The following PITPNC1 variants were observed in gnomAD, a reference collection of about 807,000 sequenced individuals.
The protein encoded by PITPNC1 is phosphatidylinositol transfer protein cytoplasmic 1.
In PITPNC1, 18 loss-of-function variants were observed where a neutral mutation model predicts 44.7. The observed-to-expected ratio is 0.40, with a 90% CI of 0.28 to 0.60. The LOEUF (loss-of-function observed/expected upper bound fraction) is 0.60, where lower values mean the gene tolerates loss of function less well. PITPNC1 is among the 20% of genes least tolerant of loss of function. The pLI, the probability that PITPNC1 is intolerant of heterozygous loss-of-function variation, is 0.39. For synonymous variants in PITPNC1, 141 were observed against 149.6 expected, an observed-to-expected ratio of 0.94 and a Z score of 0.42; for missense variants, 290 against 418.4, an observed-to-expected ratio of 0.69 and a Z score of 2.68.
At chr17:67,485,666 C>T (rs543354347) in intron 1 of PITPNC1, among the ~76,000 whole-genome samples, 40 of 152,082 alleles carry the variant, frequency 2.6e-4, no homozygotes, top group Non-Finnish European at 4.4e-4. Flanking sequence ...GATCTTTCTA[C>T]GGAAGAACAA....
chr17:67,423,016 G>C (rs893269168), intron 1 of PITPNC1, among the ~76,000 whole-genome samples: 1 of 151,734 alleles, frequency 6.6e-6, no homozygotes, highest in Non-Finnish European at 1.5e-5. Flanking sequence ...ACATGAGGAA[G>C]AGTTGGGTAA....
chr17:67,490,691 TAATG>T (rs2039852936), intron 1 of PITPNC1, among the ~76,000 whole-genome samples: 1 of 152,146 alleles, frequency 6.6e-6, no homozygotes, highest in African/African-American at 2.4e-5. Flanking sequence ...AAAGGATCCG[TAATG>T]AATAAGAAAG....
At position 67,676,707 on chromosome 17, in the gene PITPNC1, C is replaced by T. The variant is rs764004163; in HGVS notation, c.682+1165C>T. 5.3e-5 allele frequency among the ~76,000 whole-genome samples: 8 copies of T among 151,864 alleles called. No individual in the cohort carries two copies. Among genetic ancestry groups the T allele is most frequent in the Non-Finnish European group, 1.0e-4 (7 of 67,994 alleles). ...CCTCCCTTTTCTGAGCAGAAGGTAC[C>T]AAAGTAAAAGGACACGTTAGACGGA... On this transcript the variant is annotated intron_variant, in intron 8 of 8. Coordinates refer to ENST00000581322, the MANE Select transcript of PITPNC1 (RefSeq NM_012417.4). The surrounding 1 kb of genome is among the most constrained non-coding windows in gnomAD (Gnocchi z 4.0).
chr17:67,412,648 C>T (rs1265784019), intron 1 of PITPNC1, among the ~76,000 whole-genome samples: 1 of 152,120 alleles, frequency 6.6e-6, no homozygotes, highest in Non-Finnish European at 1.5e-5. Context: ...CTCACTGCAA[C>T]CTCCACCTCC....
At chr17:67,546,552 T>A (rs2144154053) in intron 2 of PITPNC1, among the ~76,000 whole-genome samples, 1 of 152,294 alleles carries the variant, frequency 6.6e-6, no homozygotes, top group South Asian at 2.1e-4. Flanking sequence ...GGGTTCTGCC[T>A]CACTGCTGAT....
intron 1 of PITPNC1, among the ~76,000 whole-genome samples, chr17:67,444,198 C>T (rs2039059994): frequency 6.6e-6 from 1 of 152,008 alleles, no homozygotes; most frequent in Non-Finnish European, 1.5e-5. Context: ...ACTGTCACTT[C>T]ACATATAATT....
At chr17:67,659,482 C>G (rs1268266180) in intron 6 of PITPNC1, among the ~76,000 whole-genome samples, 1 of 152,172 alleles carries the variant, frequency 6.6e-6, no homozygotes, top group Non-Finnish European at 1.5e-5. Context: ...GCCTAGTCTT[C>G]TTACATTGTG....
chr17:67,493,328 CTG>C (rs1252288372), intron 1 of PITPNC1, among the ~76,000 whole-genome samples: 1 of 152,170 alleles, frequency 6.6e-6, no homozygotes, highest in African/African-American at 2.4e-5. Flanking sequence ...GGGCTACTGA[CTG>C]TGAATTTTAA....
intron 1 of PITPNC1, among the ~76,000 whole-genome samples, chr17:67,407,562 G>T (rs1015967239): frequency 3.9e-5 from 6 of 152,064 alleles, no homozygotes; most frequent in Non-Finnish European, 5.9e-5. Flanking sequence ...CAGCACTTTG[G>T]GGGGCTGAGG....
chr17:67,482,541 G>A (rs1440822291), intron 1 of PITPNC1, among the ~76,000 whole-genome samples: 1 of 152,172 alleles, frequency 6.6e-6, no homozygotes, highest in Non-Finnish European at 1.5e-5. Context: ...GCCTCGCAAA[G>A]TCAAGTGGTA....
At position 67,472,866 on chromosome 17, in the gene PITPNC1, C is replaced by T. The variant is rs190028467; in HGVS notation, c.49-59936C>T. 1.2e-3 allele frequency among the ~76,000 whole-genome samples: 176 copies of T among 151,066 alleles called. 1 individual carries two copies. Among genetic ancestry groups the T allele is most frequent in the Non-Finnish European group, 1.9e-3 (128 of 67,906 alleles). ...TTGTGGACATATGCTAAAACCAGCA[C>T]CATAATTAATGTGGTATTTTTTTTT... On this transcript the variant is annotated intron_variant, in intron 1 of 8. Transcript: ENST00000581322.
chr17:67,425,203 GCACACACACACACACACA>G (rs60705271), intron 1 of PITPNC1, among the ~76,000 whole-genome samples: 6,016 of 98,742 alleles, frequency 0.061, 549 homozygotes, highest in Middle Eastern at 0.11. Context: ...GCACGCACAC[GCACACACACACACACACA>G]CACACACACA....
chr17:67,497,055 G>C (rs989479789), intron 1 of PITPNC1, among the ~76,000 whole-genome samples: 2 of 152,068 alleles, frequency 1.3e-5, no homozygotes, highest in Non-Finnish European at 2.9e-5. Flanking sequence ...GAACCCAGGA[G>C]TTCAAGGCTG....
At chr17:67,430,437 G>A (rs1444636592) in intron 1 of PITPNC1, among the ~76,000 whole-genome samples, 1 of 151,068 alleles carries the variant, frequency 6.6e-6, no homozygotes, top group East Asian at 1.9e-4. Context: ...GCAGTGAGCT[G>A]AGATCATGCC....
chr17:67,393,874 CAA>C (rs1324994045), intron 1 of PITPNC1, among the ~76,000 whole-genome samples: 7 of 152,140 alleles, frequency 4.6e-5, no homozygotes, highest in East Asian at 1.9e-4. Context: ...ATGTTTAACT[CAA>C]GAGAAAAATA....
chr17:67,442,384 C>T (rs1022964722), intron 1 of PITPNC1, among the ~76,000 whole-genome samples: 6 of 150,850 alleles, frequency 4.0e-5, no homozygotes, highest in East Asian at 1.9e-4. Flanking sequence ...CTCGTAAGCC[C>T]GCCCAGTGGA....
At chr17:67,436,537 AACGTACCGG>A (rs1338091238) in intron 1 of PITPNC1, among the ~76,000 whole-genome samples, 1 of 152,032 alleles carries the variant, frequency 6.6e-6, no homozygotes, top group Non-Finnish European at 1.5e-5. Flanking sequence ...TGATGGAACG[AACGTACCGG>A]ACAGGGCGTG....
intron 2 of PITPNC1, among the ~76,000 whole-genome samples, chr17:67,541,004 G>A (rs968280500): frequency 2.6e-5 from 4 of 152,202 alleles, no homozygotes; most frequent in Non-Finnish European, 4.4e-5. Context: ...ATCACTTGAG[G>A]TCAGGAGTTC....
intron 1 of PITPNC1, among the ~76,000 whole-genome samples, chr17:67,440,015 GTC>G (rs1291779398): frequency 6.6e-6 from 1 of 152,166 alleles, no homozygotes; most frequent in African/African-American, 2.4e-5. Flanking sequence ...AAGATGAAAA[GTC>G]TGTCTGAAAT....
Sources: allele counts gnomAD v4.1 joint callset (sites outside exome capture counted in the v4.1 genomes callset), GRCh38; gene constraint gnomAD v4.1.1; non-coding constraint Gnocchi (gnomAD v3.1); transcripts MANE v1.5; gene names NCBI Gene and HGNC (gene_info 2026-07-23, HGNC 2026-07-21).